IQGAP1: variants seen among roughly 807,000 people sequenced by gnomAD.
The protein encoded by IQGAP1 is IQ motif containing GTPase activating protein 1, also known as ras GTPase-activating-like protein IQGAP1.
In IQGAP1, 66 loss-of-function variants were observed where a neutral mutation model predicts 215.6. The ratio of observed to expected loss-of-function variants is 0.31; its 90% CI spans 0.25 to 0.38. The LOEUF (loss-of-function observed/expected upper bound fraction) is 0.38. Among genes scored for constraint, IQGAP1 ranks in the 10% least tolerant of loss-of-function variants. The pLI is 1.00. For synonymous variants in IQGAP1, 772 were observed against 728.7 expected, an observed-to-expected ratio of 1.06 and a Z score of -0.96; for missense variants, 1,712 against 1,997.1, an observed-to-expected ratio of 0.86 and a Z score of 2.72.
chr15:90,440,248 G>A (rs559863378), intron 6 of IQGAP1, among the ~76,000 whole-genome samples: 13 of 152,292 alleles, frequency 8.5e-5, no homozygotes, highest in African/African-American at 2.4e-4. Context: ...TAGCAATTTT[G>A]AAAAACTATT....
chr15:90,495,343 A>C (rs1174990159), intron 36 of IQGAP1, among the ~76,000 whole-genome samples: 1 of 152,148 alleles, frequency 6.6e-6, no homozygotes, highest in African/African-American at 2.4e-5. Context: ...CTGTGACCTC[A>C]GGCTACTGAT....
intron 2 of IQGAP1, among the ~76,000 whole-genome samples, chr15:90,395,486 A>G (rs978113997): frequency 2.6e-5 from 4 of 151,836 alleles, no homozygotes; most frequent in African/African-American, 4.8e-5. Flanking sequence ...ACGCCTGGCT[A>G]ATTTTTTGTA....
At chr15:90,416,410 G>A (rs1316212418) in intron 2 of IQGAP1, among the ~76,000 whole-genome samples, 1 of 152,112 alleles carries the variant, frequency 6.6e-6, no homozygotes, top group African/African-American at 2.4e-5. Flanking sequence ...AATCCTTTGG[G>A]TACATACCCA....
At chr15:90,460,270 C>G (rs1965743161) in intron 15 of IQGAP1, among the ~76,000 whole-genome samples, 1 of 152,154 alleles carries the variant, frequency 6.6e-6, no homozygotes. Context: ...AGAGCTTTAT[C>G]AGATCTTTTC....
At chr15:90,408,979 C>A (rs554288021) in intron 2 of IQGAP1, among the ~76,000 whole-genome samples, 1 of 152,182 alleles carries the variant, frequency 6.6e-6, no homozygotes, top group African/African-American at 2.4e-5. Context: ...TGACCTCTTT[C>A]CCTGTAGCAG....
chr15:90,444,279 G>GTGTA (rs773341335), intron 9 of IQGAP1, among the ~76,000 whole-genome samples: 904 of 72,934 alleles, frequency 0.012, 11 homozygotes, highest in African/African-American at 0.042. Context: ...GTGTGTGTGT[G>GTGTA]TATATATATA....
chr15:90,416,726 C>T (rs550566923), intron 2 of IQGAP1, among the ~76,000 whole-genome samples: 2 of 152,102 alleles, frequency 1.3e-5, no homozygotes, highest in East Asian at 1.9e-4. Context: ...TACAGGTGCC[C>T]GCCACCACGC....
intron 4 of IQGAP1, among the ~76,000 whole-genome samples, chr15:90,432,459 T>C (rs1965316199): frequency 1.3e-5 from 2 of 152,240 alleles, no homozygotes; most frequent in Non-Finnish European, 2.9e-5. Flanking sequence ...GCTCTATTTT[T>C]ATCCTTAGCT....
In IQGAP1 at chr15:90,477,723, G is replaced by A. The variant is rs1195036857; in HGVS notation, c.3163G>A (p.Val1055Ile). ...VTGNPTVIKMVVSFNRGARGQ... is the reference protein window; with the variant it reads ...VTGNPTVIKMIVSFNRGARGQ... ...AGGAAATCCTACGGTTATTAAAATG[G>A]TTGTAAGTTTCAACCGTGGTGCCCG... The change falls in exon 26 of 38, where the codon GTT becomes ATT. Residue 1055 changes from valine to isoleucine, a missense_variant. Around this residue, in one of 2 missense-constraint regions of IQGAP1, gnomAD observed 691 missense variants for 923.0 expected, o/e 0.75. Transcript: ENST00000268182. The A allele has an allele frequency of 6.2e-7, 1 of 1,613,980 alleles. No individual in the cohort carries two copies.
rs755532354 is a variant in IQGAP1 at position 90,484,370 on chromosome 15, A to G, written c.3921+18A>G. Reference sequence around the variant, plus strand: ...CCCACACTGTAAGTATTTTTCTTTAATTACTTAATTTCATTGTCCTTAATT... The same window carrying G: ...CCCACACTGTAAGTATTTTTCTTTAGTTACTTAATTTCATTGTCCTTAATT... On this transcript the variant is annotated intron_variant, in intron 30 of 37. Coordinates refer to ENST00000268182, the MANE Select transcript of IQGAP1 (RefSeq NM_003870.4). 21 of 1,593,370 alleles carry G rather than the reference A, an allele frequency of 1.3e-5. No individual in the cohort carries two copies. Among genetic ancestry groups the G allele is most frequent in the Non-Finnish European group, 1.5e-5 (18 of 1,164,744 alleles).
chr15:90,441,538 A>G lies in IQGAP1; in HGVS notation c.682A>G (p.Ile228Val), dbSNP rs1965450420. The G allele has an allele frequency of 9.9e-6, 16 of 1,612,886 alleles. No individual in the cohort carries two copies. Among genetic ancestry groups the G allele is most frequent in the East Asian group, 2.2e-5 (1 of 44,838 alleles). Residue 228 changes from isoleucine to valine, a missense_variant, in exon 8 of 38, where the codon ATT becomes GTT. By Grantham distance (29) the Ile-to-Val change is conservative. Around this residue, in one of 2 missense-constraint regions of IQGAP1, gnomAD observed 1,021 missense variants for 1,074.2 expected, o/e 0.95. Transcript: ENST00000268182. ...HAAVIAINEA[I>V]DRRIPADTFA... The stretch of plus-strand genomic sequence containing the variant: ...TGCTGTTATTGCTATTAATGAAGCT[A>G]TTGACCGTAGAATTCCAGCCGACAC...
chr15:90,454,830 G>C (rs1596274830), intron 14 of IQGAP1, among the ~76,000 whole-genome samples: 1 of 152,120 alleles, frequency 6.6e-6, no homozygotes, highest in Non-Finnish European at 1.5e-5. Flanking sequence ...ACACTACATG[G>C]AATTAGGTTG....
chr15:90,394,188 G>GTT (rs34483049), intron 2 of IQGAP1, among the ~76,000 whole-genome samples: 20,933 of 124,108 alleles, frequency 0.17, 2,143 homozygotes, highest in African/African-American at 0.27. Flanking sequence ...TGATCTTCAG[G>GTT]TTTTTTTTTT....
At chr15:90,444,602 A>C (rs1965501405) in intron 9 of IQGAP1, among the ~76,000 whole-genome samples, 1 of 152,154 alleles carries the variant, frequency 6.6e-6, no homozygotes, top group South Asian at 2.1e-4. Context: ...ATATTTAAAC[A>C]AAAATGAGAT....
rs1002325793 is a variant in IQGAP1 at position 90,448,564 on chromosome 15, T to C, written c.914-9T>C. The C allele has an allele frequency of 2.6e-6, 4 of 1,565,716 alleles. No homozygotes were observed. The African/African-American group carries it at 5.5e-5, about 22-fold the overall frequency. ...AGTCCTTTCACAAGCTTTTGCCTTT[T>C]TTCCTCAGCATTTTCTGCATTAGCA... On this transcript the variant is annotated splice_polypyrimidine_tract_variant and intron_variant, in intron 9 of 37. Coordinates refer to ENST00000268182, the MANE Select transcript of IQGAP1 (RefSeq NM_003870.4).
At chr15:90,435,724 TA>T (rs749392362) in intron 5 of IQGAP1, among the ~76,000 whole-genome samples, 5 of 152,214 alleles carry the variant, frequency 3.3e-5, no homozygotes, top group Non-Finnish European at 7.4e-5. Flanking sequence ...AAGAATTAAC[TA>T]TGCCTTCCTA....
Position 90,426,217 on chromosome 15 carries a change from A to C in IQGAP1, c.263A>C (p.Lys88Thr). The change falls in exon 3 of 38, where the codon AAA becomes ACA. Residue 88 changes from lysine to threonine, a missense_variant. By Grantham distance (78) the Lys-to-Thr change is moderately conservative (BLOSUM62 -1). Transcript: ENST00000268182. Reference protein sequence around the residue: ...LAKLGNFFSPKVVSLKKIYDR... With the variant: ...LAKLGNFFSPTVVSLKKIYDR... ...AAACTGGGGAACTTCTTCTCTCCCA[A>C]AGTAGTGTCCCTGAAAAAAATCTAT... 6.2e-7 allele frequency: 1 copy of C among 1,605,092 alleles called. No individual in the cohort carries two copies. The highest frequency in any genetic ancestry group is 8.5e-7 in the Non-Finnish European group (1 of 1,177,370).
chr15:90,422,396 G>A (rs1022698870), intron 2 of IQGAP1, among the ~76,000 whole-genome samples: 1 of 151,900 alleles, frequency 6.6e-6, no homozygotes, highest in East Asian at 1.9e-4. Context: ...CTTTACTAAG[G>A]AATTAATTCT....
intron 23 of IQGAP1, among the ~76,000 whole-genome samples, chr15:90,476,335 G>A (rs576203712): frequency 5.9e-5 from 9 of 152,166 alleles, no homozygotes; most frequent in South Asian, 2.1e-4. Context: ...TTTTCCAAGC[G>A]TTTATTATAA....
Sources: gnomAD v4.1 joint callset for allele counts (sites outside exome capture counted in the v4.1 genomes callset) on GRCh38, gnomAD v4.1.1 for gene constraint, gnomAD v4.1.1 regional missense constraint, MANE v1.5 for transcripts, NCBI Gene and HGNC (gene_info 2026-07-23, HGNC 2026-07-21) for gene names.